GAB2: variants seen among roughly 807,000 people sequenced by gnomAD.
GAB2 encodes the protein GRB2-associated-binding protein 2.
GAB2 carries 26 observed loss-of-function variants against 65.5 expected under a neutral mutation model. The observed-to-expected ratio is 0.40, with a 90% CI of 0.29 to 0.55. GAB2 has a LOEUF of 0.55. GAB2 is among the 20% of genes least tolerant of loss of function. The probability of loss-of-function intolerance (pLI) is 0.53; values close to 1 mark genes in which losing one functional copy is unlikely to be tolerated. For synonymous variants in GAB2, 321 were observed against 329.6 expected, an observed-to-expected ratio of 0.97 and a Z score of 0.28; for missense variants, 884 against 875.8, an observed-to-expected ratio of 1.01 and a Z score of -0.12.
chr11:78,257,638 G>A (rs558872919), intron 2 of GAB2, among the ~76,000 whole-genome samples: 2 of 152,226 alleles, frequency 1.3e-5, no homozygotes, highest in South Asian at 2.1e-4. Context: ...AAGACATGAC[G>A]GATGCTTGGA....
chr11:78,261,379 T>G (rs571429258), intron 2 of GAB2, among the ~76,000 whole-genome samples: 2 of 152,172 alleles, frequency 1.3e-5, no homozygotes. Context: ...GAATCTTTCC[T>G]CCCTGGGTTA....
intron 1 of GAB2, among the ~76,000 whole-genome samples, chr11:78,346,717 ATATAATTTTTTTTT>A (rs1218944587): frequency 1.2e-4 from 5 of 40,110 alleles, no homozygotes; most frequent in African/African-American, 2.8e-4. Flanking sequence ...ATATATATAT[ATATAATTTTTTTTT>A]TTTTTAGGAA....
intron 1 of GAB2, among the ~76,000 whole-genome samples, chr11:78,306,198 A>T (rs1449838230): frequency 1.3e-5 from 2 of 152,138 alleles, no homozygotes; most frequent in Non-Finnish European, 2.9e-5. Context: ...ATCCATCCCA[A>T]CCTAATCTAG....
intron 5 of GAB2, among the ~76,000 whole-genome samples, chr11:78,224,081 CAAAAAAT>C (rs1407311774): frequency 6.6e-6 from 1 of 151,302 alleles, no homozygotes; most frequent in East Asian, 1.9e-4. Context: ...GACTCTGTTT[CAAAAAAT>C]AAAAAATAAA....
chr11:78,319,670 A>T (rs923078395), intron 1 of GAB2, among the ~76,000 whole-genome samples: 7 of 152,252 alleles, frequency 4.6e-5, no homozygotes, highest in African/African-American at 1.7e-4. Flanking sequence ...CATACTTAGC[A>T]GAGAGCCACA....
chr11:78,309,971 T>TGTGTGTGTGCGCGCGC (rs1421836447), intron 1 of GAB2, among the ~76,000 whole-genome samples: 3 of 120,090 alleles, frequency 2.5e-5, no homozygotes, highest in Admixed American at 8.0e-5. Context: ...TGTGTGTGTG[T>TGTGTGTGTGCGCGCGC]GCGCGCGCGC....
rs578056764 is a variant in GAB2, at chr11:78,305,383, T to C, written c.76-24482A>G. ...CACAATTTAGATTTACTTTAAGGTA[T>C]AAAACTAATACAGAATGGAGATCAG... On this transcript the variant is annotated intron_variant, in intron 1 of 9. Transcript: ENST00000361507. Among the ~76,000 whole-genome samples, 4 of 152,298 alleles carry C rather than the reference T, an allele frequency of 2.6e-5. No homozygotes were observed. In the South Asian group the frequency reaches 8.3e-4, roughly 32 times the overall value.
At chr11:78,382,626 A>G (rs1856712755) in intron 1 of GAB2, among the ~76,000 whole-genome samples, 1 of 152,202 alleles carries the variant, frequency 6.6e-6, no homozygotes, top group African/African-American at 2.4e-5. Flanking sequence ...AGTACTGCAC[A>G]TAAAATTAAG....
At chr11:78,417,186 A>G (rs1857208683) in intron 1 of GAB2, among the ~76,000 whole-genome samples, 1 of 152,080 alleles carries the variant, frequency 6.6e-6, no homozygotes, top group South Asian at 2.1e-4. Context: ...AAAGGGAAGG[A>G]GAGGGCGTGA....
chr11:78,263,882 ATGT>A (rs149895045), intron 2 of GAB2, among the ~76,000 whole-genome samples: 2,607 of 150,592 alleles, frequency 0.017, 84 homozygotes, highest in African/African-American at 0.062. Flanking sequence ...CTGGGCAAGG[ATGT>A]CAGTCTCCTG....
intron 2 of GAB2, among the ~76,000 whole-genome samples, chr11:78,276,894 T>A (rs924267233): frequency 6.6e-6 from 1 of 152,200 alleles, no homozygotes; most frequent in African/African-American, 2.4e-5. Flanking sequence ...CTCGGCTCAC[T>A]ACAAGCTCCG....
chr11:78,355,682 A>T (rs1856348209), intron 1 of GAB2, among the ~76,000 whole-genome samples: 1 of 147,982 alleles, frequency 6.8e-6, no homozygotes, highest in African/African-American at 2.5e-5. Context: ...GTCTCACTTA[A>T]AAAAAAAAAA....
chr11:78,232,398 A>C (rs911747758), intron 3 of GAB2, among the ~76,000 whole-genome samples: 4 of 152,214 alleles, frequency 2.6e-5, no homozygotes, highest in Admixed American at 2.6e-4. Flanking sequence ...GAAGACAGAC[A>C]CTGGCTAGAA....
chr11:78,237,702 GA>G (rs145844256), intron 3 of GAB2, among the ~76,000 whole-genome samples: 1 of 151,912 alleles, frequency 6.6e-6, no homozygotes, highest in South Asian at 2.1e-4. Context: ...AAAAGGATTG[GA>G]AAAAAAAGAT....
At chr11:78,326,601 A>G (rs1236662391) in intron 1 of GAB2, among the ~76,000 whole-genome samples, 1 of 152,228 alleles carries the variant, frequency 6.6e-6, no homozygotes, top group African/African-American at 2.4e-5. Context: ...TTTTTCCAAA[A>G]AAAGAGTCAC....
intron 1 of GAB2, among the ~76,000 whole-genome samples, chr11:78,393,102 C>T (rs945734213): frequency 6.9e-6 from 1 of 144,108 alleles, no homozygotes; most frequent in Non-Finnish European, 1.5e-5. Flanking sequence ...AGGAGGATAT[C>T]AGGAAGTATC....
At chr11:78,343,711 T>C (rs1856137929) in intron 1 of GAB2, among the ~76,000 whole-genome samples, 1 of 152,198 alleles carries the variant, frequency 6.6e-6, no homozygotes, top group South Asian at 2.1e-4. Context: ...TTTTAAAATT[T>C]ATAGTGGCCA....
chr11:78,399,509 T>C (rs763888406), intron 1 of GAB2, among the ~76,000 whole-genome samples: 4 of 152,228 alleles, frequency 2.6e-5, no homozygotes, highest in African/African-American at 9.6e-5. Context: ...GCCAAAGTCA[T>C]AGCTTCAGAC....
At chr11:78,327,878 T>G (rs1197464431) in intron 1 of GAB2, among the ~76,000 whole-genome samples, 3 of 152,196 alleles carry the variant, frequency 2.0e-5, no homozygotes, top group Non-Finnish European at 4.4e-5. Context: ...CTTACTAGAT[T>G]GAATTGAAGA....
Sources: allele counts gnomAD v4.1 joint callset (sites outside exome capture counted in the v4.1 genomes callset), GRCh38; gene constraint gnomAD v4.1.1; transcripts MANE v1.5; gene names NCBI Gene and HGNC (gene_info 2026-07-23, HGNC 2026-07-21).